CAMTA1: variants seen among roughly 807,000 people sequenced by gnomAD.
CAMTA1 encodes the protein calmodulin binding transcription activator 1.
Under a neutral mutation model 170.9 loss-of-function variants are expected in CAMTA1, and 27 were observed. The observed-to-expected ratio is 0.16, with a 90% CI of 0.12 to 0.22. The LOEUF (loss-of-function observed/expected upper bound fraction) is 0.22. Among genes scored for constraint, CAMTA1 ranks in the 10% least tolerant of loss-of-function variants. The pLI, the probability that CAMTA1 is intolerant of heterozygous loss-of-function variation, is 1.00. For synonymous variants in CAMTA1, 833 were observed against 891.5 expected, an observed-to-expected ratio of 0.93 and a Z score of 1.17; for missense variants, 1,619 against 2,217.2, an observed-to-expected ratio of 0.73 and a Z score of 5.42.
intron 4 of CAMTA1, among the ~76,000 whole-genome samples, chr1:7,196,299 G>A (rs1212763182): frequency 6.6e-6 from 1 of 152,176 alleles, no homozygotes; most frequent in East Asian, 1.9e-4. Flanking sequence ...CCCAGTCTGT[G>A]AAGCCTGCAG....
At position 7,680,139 on chromosome 1, in the gene CAMTA1, G is replaced by A. The variant is rs1019064555; in HGVS notation, c.2914+2406G>A. On this transcript the variant is annotated intron_variant, in intron 11 of 22. Coordinates refer to ENST00000303635, the MANE Select transcript of CAMTA1 (RefSeq NM_015215.4). This position sits in a 1 kb window ranked among gnomAD's most constrained non-coding sequence, Gnocchi z 4.4. ...GGAACAGCTAGTCGGGAGCGCGGGG[G>A]TCCCGGGCCTCTGGCCAGCCACGGG... 1.0e-5 allele frequency: 2 copies of A among 191,500 alleles called. No individual in the cohort carries two copies. The highest frequency in any genetic ancestry group is 1.2e-4 in the Admixed American group (2 of 16,118). The allele number at this position is 191,500 out of a possible 1,614,324, so 11.9% of individuals were successfully genotyped here. A position where few individuals can be genotyped will look rare whatever the true frequency, so the allele number is the denominator to read the frequency against.
In CAMTA1 at chr1:6,887,983, C is replaced by T; in HGVS notation, c.234+62773C>T. ...GTGCACACGCCTCCTGGTCCAGAGG[C>T]CTCCGTGACCATCCATGATGCCACT... On this transcript the variant is annotated intron_variant, in intron 3 of 22. Coordinates refer to ENST00000303635, the MANE Select transcript of CAMTA1 (RefSeq NM_015215.4). The surrounding 1 kb of genome is among the most constrained non-coding windows in gnomAD (Gnocchi z 4.1). 1 of 1,185,400 alleles carries T rather than the reference C, an allele frequency of 8.4e-7. No individual in the cohort carries two copies. 73.4% of individuals were successfully genotyped at this position (1,185,400 alleles called of 1,614,324 possible).
At chr1:7,709,397 C>T (rs115763656) in intron 11 of CAMTA1, among the ~76,000 whole-genome samples, 2,349 of 152,298 alleles carry the variant, frequency 0.015, 55 homozygotes, top group African/African-American at 0.053. Context: ...GATCCTACTC[C>T]GTGCCTTTGG....
chr1:7,420,489 A>T (rs986775582), intron 5 of CAMTA1, among the ~76,000 whole-genome samples: 3 of 151,996 alleles, frequency 2.0e-5, no homozygotes, highest in Non-Finnish European at 4.4e-5. Flanking sequence ...CCCTGGTGGC[A>T]CTCAGGAAAT....
rs201500847 is a variant in CAMTA1, at chr1:6,997,656, C to CTTTTTTTTTTTTTTTTT, written c.235-93645_235-93644insTTTTTTTTTTTTTTTTT. ...CTGTTTTCCATATTTCCTTTCTTTT[C>CTTTTTTTTTTTTTTTTT]TTTCTTTTTTTTTTTTTTTTTGAGA... On this transcript the variant is annotated intron_variant, in intron 3 of 22. Coordinates refer to ENST00000303635, the MANE Select transcript of CAMTA1 (RefSeq NM_015215.4). 4.7e-5 allele frequency among the ~76,000 whole-genome samples: 6 copies of CTTTTTTTTTTTTTTTTT among 128,412 alleles called. 1 individual carries two copies. The highest frequency in any genetic ancestry group is 6.6e-5 in the African/African-American group (2 of 30,348). 84.2% of individuals were successfully genotyped at this position (128,412 alleles called of 152,430 possible). A position where few individuals can be genotyped will look rare whatever the true frequency, so the allele number is the denominator to read the frequency against.
intron 3 of CAMTA1, among the ~76,000 whole-genome samples, chr1:6,844,426 A>G (rs1337264970): frequency 6.6e-6 from 1 of 151,390 alleles, no homozygotes; most frequent in East Asian, 1.9e-4. Context: ...TAATCCCAGC[A>G]CTTTGGGAGG....
Position 7,300,255 on chromosome 1 carries a change from TG to T in CAMTA1, c.438+50631del, listed in dbSNP as rs995185818. On this transcript the variant is annotated intron_variant, in intron 5 of 22. Transcript: ENST00000303635. The surrounding 1 kb of genome is among the most constrained non-coding windows in gnomAD (Gnocchi z 4.1). Reference sequence around the variant, plus strand: ...TCCTCCAAGGGTCTCCCCTAGACCCTGGCACAGAATCACCCTGGTCCCCACT... The same window carrying T: ...TCCTCCAAGGGTCTCCCCTAGACCCTGCACAGAATCACCCTGGTCCCCACT... Among the ~76,000 whole-genome samples the T allele has an allele frequency of 3.3e-5, 5 of 152,218 alleles. No individual in the cohort carries two copies. The highest frequency in any genetic ancestry group is 7.3e-5 in the Non-Finnish European group (5 of 68,030).
At chr1:7,699,057 T>C (rs1018856251) in intron 11 of CAMTA1, among the ~76,000 whole-genome samples, 1 of 152,258 alleles carries the variant, frequency 6.6e-6, no homozygotes, top group Non-Finnish European at 1.5e-5. Flanking sequence ...CATTGATTTC[T>C]ATTCTATACT....
In CAMTA1 at chr1:6,871,725, G is replaced by A; in HGVS notation, c.234+46515G>A. 2.0e-6 allele frequency: 3 copies of A among 1,524,688 alleles called. No homozygotes were observed. The South Asian group carries it at 3.6e-5, about 18-fold the overall frequency. The allele number at this position is 1,524,688 out of a possible 1,614,324, so 94.4% of individuals were successfully genotyped here. ...TGATTTTAAATTCTCAGAGATACTA[G>A]TTTTACTTACTGGAGCTCCTTTGTT... On this transcript the variant is annotated intron_variant, in intron 3 of 22. Coordinates refer to ENST00000303635, the MANE Select transcript of CAMTA1 (RefSeq NM_015215.4).
chr1:6,935,285 G>GA (rs1685113976), intron 3 of CAMTA1, among the ~76,000 whole-genome samples: 1 of 152,096 alleles, frequency 6.6e-6, no homozygotes, highest in Non-Finnish European at 1.5e-5. Context: ...TCCTTTACAA[G>GA]GCCAAGTGAC....
At chr1:6,834,501 C>G in intron 3 of CAMTA1, 1 of 255,050 alleles carries the variant, frequency 3.9e-6, no homozygotes, top group South Asian at 5.6e-5. Flanking sequence ...CTGCACTTGG[C>G]GGGGTAGCCA....
chr1:7,336,729 G>A (rs1364815347), intron 5 of CAMTA1, among the ~76,000 whole-genome samples: 1 of 152,210 alleles, frequency 6.6e-6, no homozygotes, highest in Non-Finnish European at 1.5e-5. Context: ...CTCCTTGATC[G>A]CATTTCTCTG....
At chr1:7,683,056 T>C (rs2096225356) in intron 11 of CAMTA1, among the ~76,000 whole-genome samples, 1 of 151,930 alleles carries the variant, frequency 6.6e-6, no homozygotes, top group Admixed American at 6.5e-5. Flanking sequence ...GCGCCTGTTG[T>C]CCCAGCTACT....
At chr1:7,086,860 G>A (rs768294013) in intron 3 of CAMTA1, among the ~76,000 whole-genome samples, 14 of 152,224 alleles carry the variant, frequency 9.2e-5, no homozygotes, top group Admixed American at 5.2e-4. Flanking sequence ...TACTGTGAGC[G>A]ATGCTACTGT....
At chr1:7,695,787 CT>C (rs1251279464) in intron 11 of CAMTA1, among the ~76,000 whole-genome samples, 9 of 152,100 alleles carry the variant, frequency 5.9e-5, no homozygotes, top group Admixed American at 6.5e-5. Context: ...CCACTTTTTT[CT>C]TTTTCTAAGT....
intron 6 of CAMTA1, among the ~76,000 whole-genome samples, chr1:7,550,446 G>A (rs149973044): frequency 3.8e-4 from 57 of 151,880 alleles, no homozygotes; most frequent in Admixed American, 1.4e-3. Context: ...ACTCCCACCC[G>A]GCTTTCTCCC....
intron 3 of CAMTA1, among the ~76,000 whole-genome samples, chr1:6,990,668 C>T (rs1162853782): frequency 6.6e-6 from 1 of 152,128 alleles, no homozygotes; most frequent in Non-Finnish European, 1.5e-5. Context: ...CTGGTCTCTT[C>T]TTAGTCAATG....
At chr1:7,654,555 C>T (rs1210607552) in intron 7 of CAMTA1, among the ~76,000 whole-genome samples, 1 of 149,096 alleles carries the variant, frequency 6.7e-6, no homozygotes, top group African/African-American at 2.5e-5. Flanking sequence ...CACACACCGG[C>T]ACACACCTAT....
At position 7,037,578 on chromosome 1, in the gene CAMTA1, G is replaced by A. The variant is rs1318867480; in HGVS notation, c.235-53726G>A. On this transcript the variant is annotated intron_variant, in intron 3 of 22. Transcript: ENST00000303635. Reference sequence around the variant, plus strand: ...AAACAGGCCGGGCGCGGTGGCTCACGCCTGTAATCCCAGCACTTTGGAAGG... The same window carrying A: ...AAACAGGCCGGGCGCGGTGGCTCACACCTGTAATCCCAGCACTTTGGAAGG... 2.0e-5 allele frequency among the ~76,000 whole-genome samples: 3 copies of A among 152,250 alleles called. 1 individual carries two copies. The East Asian group carries it at 5.8e-4, about 29-fold the overall frequency.
Sources: gnomAD v4.1 joint callset for allele counts (sites outside exome capture counted in the v4.1 genomes callset) on GRCh38, gnomAD v4.1.1 for gene constraint, Gnocchi (gnomAD v3.1) non-coding constraint, MANE v1.5 for transcripts, NCBI Gene and HGNC (gene_info 2026-07-23, HGNC 2026-07-21) for gene names.